The following HEPACAM2 variants were observed in gnomAD, a reference collection of about 807,000 sequenced individuals.
The protein encoded by HEPACAM2 is mitotic kinetics regulator.
HEPACAM2 carries 49 observed loss-of-function variants against 49.6 expected under a neutral mutation model. That is an observed-to-expected ratio of 0.99 (90% CI 0.78 to 1.25). The LOEUF (loss-of-function observed/expected upper bound fraction) is 1.25, where lower values mean the gene tolerates loss of function less well. HEPACAM2 is among the 50% of genes most tolerant of loss of function. The pLI is 0.00. For synonymous variants in HEPACAM2, 197 were observed against 202.9 expected, an observed-to-expected ratio of 0.97 and a Z score of 0.25; for missense variants, 525 against 557.2, an observed-to-expected ratio of 0.94 and a Z score of 0.58.
At chr7:93,194,325 T>C (rs1793629117) in intron 8 of HEPACAM2, among the ~76,000 whole-genome samples, 1 of 152,160 alleles carries the variant, frequency 6.6e-6, no homozygotes, top group South Asian at 2.1e-4. Context: ...AACTCCTTAT[T>C]CAAAAATTCA....
chr7:93,229,130 T>C (rs1794586975), upstream of HEPACAM2, among the ~76,000 whole-genome samples: 1 of 152,052 alleles, frequency 6.6e-6, no homozygotes, highest in Non-Finnish European at 1.5e-5. Context: ...TGCAGAACAG[T>C]GGGGAATAAG....
chr7:93,225,775 A>G (rs1794527222), intron 1 of HEPACAM2: 2 of 481,978 alleles, frequency 4.1e-6, no homozygotes, highest in African/African-American at 4.0e-5. Context: ...TCTTAATAGG[A>G]CTAGCCATTG....
chr7:93,228,681 G>A (rs971221335), upstream of HEPACAM2, among the ~76,000 whole-genome samples: 29 of 152,166 alleles, frequency 1.9e-4, no homozygotes, highest in African/African-American at 6.0e-4. Context: ...GGCCTGTAGT[G>A]TTACTGTTTA....
At chr7:93,227,365 A>C (rs1786022207), upstream of HEPACAM2, among the ~76,000 whole-genome samples, 1 of 152,186 alleles carries the variant, frequency 6.6e-6, no homozygotes, top group African/African-American at 2.4e-5. Context: ...TGTTAAGGAT[A>C]TATCCAAATC....
intron 1 of HEPACAM2, 158 bp from the exon 2 acceptor site, chr7:93,219,609 T>C: frequency 7.4e-7 from 1 of 1,351,520 alleles, no homozygotes; most frequent in Non-Finnish European, 9.8e-7. Flanking sequence ...TAGAGGTAAA[T>C]ATTTGTCCCT....
intron 4 of HEPACAM2, among the ~76,000 whole-genome samples, chr7:93,205,161 T>A (rs147859950): frequency 6.6e-6 from 1 of 152,094 alleles, no homozygotes; most frequent in Non-Finnish European, 1.5e-5. Context: ...CTGTGTGAAC[T>A]TGCCTGTTGT....
intron 8 of HEPACAM2, 93 bp downstream of exon 8, chr7:93,195,735 G>T: frequency 1.1e-6 from 1 of 912,316 alleles, no homozygotes. Flanking sequence ...GCAGCCATTT[G>T]ACCACACTGC....
chr7:93,209,286 T>G (rs1284102472), intron 3 of HEPACAM2, among the ~76,000 whole-genome samples: 5 of 152,142 alleles, frequency 3.3e-5, no homozygotes, highest in African/African-American at 1.2e-4. Context: ...TTTATTATTA[T>G]TTTTAATTGA....
chr7:93,229,069 A>G (rs1794586013), upstream of HEPACAM2, among the ~76,000 whole-genome samples: 1 of 152,230 alleles, frequency 6.6e-6, no homozygotes, highest in African/African-American at 2.4e-5. Context: ...CATGTTTTGC[A>G]GTGGCAGAAA....
rs758414460 is a variant in HEPACAM2, at chr7:93,226,401, C to T, written c.46G>A (p.Val16Ile). Residue 16 changes from valine to isoleucine, a missense_variant, in exon 1 of 10, where the codon GTC becomes ATC. Transcript: ENST00000394468. Reference sequence around the variant, plus strand: ...AGGAGGTATATTTTGCACTGAAAGACCCCAAGTGTGTCACCGAAGGGCTCC... The same window carrying T: ...AGGAGGTATATTTTGCACTGAAAGATCCCAAGTGTGTCACCGAAGGGCTCC... Reference protein sequence around the residue: ...FMEPFGDTLGVFQCKIYLLLF... With the variant: ...FMEPFGDTLGIFQCKIYLLLF... 2 of 1,613,468 alleles carry T rather than the reference C, an allele frequency of 1.2e-6. No individual in the cohort carries two copies. Among genetic ancestry groups the T allele is most frequent in the Admixed American group, 1.7e-5 (1 of 59,966 alleles).
At chr7:93,196,397 T>C (rs1018012394) in intron 7 of HEPACAM2, among the ~76,000 whole-genome samples, 7 of 152,130 alleles carry the variant, frequency 4.6e-5, no homozygotes, top group African/African-American at 1.7e-4. Context: ...CCACATAAAC[T>C]ATCATCTATA....
At chr7:93,192,621 G>T (rs1793583519) in intron 8 of HEPACAM2, among the ~76,000 whole-genome samples, 1 of 152,032 alleles carries the variant, frequency 6.6e-6, no homozygotes, top group Non-Finnish European at 1.5e-5. Flanking sequence ...TAAGAAGAAA[G>T]CTGGCAGTAC....
chr7:93,212,210 A>G (rs1442395628), intron 3 of HEPACAM2, among the ~76,000 whole-genome samples: 1 of 152,120 alleles, frequency 6.6e-6, no homozygotes, highest in African/African-American at 2.4e-5. Context: ...TTTAAAATAA[A>G]AATACCTTTA....
chr7:93,219,669 C>A, intron 1 of HEPACAM2: 4 of 699,890 alleles, frequency 5.7e-6, no homozygotes, highest in African/African-American at 1.8e-5. Flanking sequence ...GCTGGTTGCA[C>A]AAGATAAAAA....
chr7:93,188,717 G>A lies in HEPACAM2; in HGVS notation c.*550C>T. Reference sequence around the variant, plus strand: ...TACTACTGGTGATTGAAAAAAAAGAGAAGGCATAGTTTTGTTTTTGTGACA... The same window carrying A: ...TACTACTGGTGATTGAAAAAAAAGAAAAGGCATAGTTTTGTTTTTGTGACA... On this transcript the variant is annotated 3_prime_UTR_variant, in exon 10 of 10. Coordinates refer to ENST00000394468, the MANE Select transcript of HEPACAM2 (RefSeq NM_001039372.4). 1 of 278,968 alleles carries A rather than the reference G, an allele frequency of 3.6e-6. No homozygotes were observed. The highest frequency in any genetic ancestry group is 6.6e-6 in the Non-Finnish European group (1 of 151,480). 17.3% of individuals were successfully genotyped at this position (278,968 alleles called of 1,614,324 possible).
intron 4 of HEPACAM2, among the ~76,000 whole-genome samples, chr7:93,206,893 A>T (rs917050652): frequency 2.6e-5 from 4 of 152,116 alleles, no homozygotes; most frequent in African/African-American, 7.2e-5. Flanking sequence ...ATAGTCTTAT[A>T]ATTCTTCATG....
intron 8 of HEPACAM2, among the ~76,000 whole-genome samples, chr7:93,194,722 T>C (rs1304212130): frequency 6.6e-6 from 1 of 152,064 alleles, no homozygotes; most frequent in African/African-American, 2.4e-5. Context: ...CAAATAGTCT[T>C]TTTAACAAAT....
chr7:93,226,824 T>C (rs564472804), upstream of HEPACAM2, among the ~76,000 whole-genome samples: 40 of 152,264 alleles, frequency 2.6e-4, no homozygotes, highest in South Asian at 1.9e-3. Flanking sequence ...TTTTCTATCA[T>C]GCAGAACTAT....
intron 2 of HEPACAM2, among the ~76,000 whole-genome samples, chr7:93,217,835 C>A (rs1439532365): frequency 6.7e-6 from 1 of 149,172 alleles, no homozygotes; most frequent in Non-Finnish European, 1.5e-5. Flanking sequence ...TAGAGAGTGA[C>A]TCTCTCTCTC....
Sources: gnomAD v4.1 joint callset for allele counts (sites outside exome capture counted in the v4.1 genomes callset) on GRCh38, gnomAD v4.1.1 for gene constraint, MANE v1.5 for transcripts, NCBI Gene and HGNC (gene_info 2026-07-23, HGNC 2026-07-21) for gene names.